Variants in RPGRIP1 observed in about 807,000 individuals in gnomAD.
RPGRIP1 encodes RPGR interacting protein 1.
RPGRIP1 carries 128 observed loss-of-function variants against 157.9 expected under a neutral mutation model. The ratio of observed to expected loss-of-function variants is 0.81; its 90% CI spans 0.70 to 0.94. The LOEUF (loss-of-function observed/expected upper bound fraction) is 0.94. Ranked by LOEUF, RPGRIP1 falls within the 40% of genes least tolerant of loss-of-function variation. The pLI is 0.00. For synonymous variants in RPGRIP1, 554 were observed against 571.6 expected, an observed-to-expected ratio of 0.97 and a Z score of 0.44; for missense variants, 1,486 against 1,545.8, an observed-to-expected ratio of 0.96 and a Z score of 0.65.
intron 6 of RPGRIP1, among the ~76,000 whole-genome samples, chr14:21,303,908 A>C (rs147655695): frequency 6.6e-6 from 1 of 152,120 alleles, no homozygotes; most frequent in East Asian, 1.9e-4. Flanking sequence ...GAATCACTTG[A>C]ACCTGGGAGG....
chr14:21,324,080 T>C, intron 14 of RPGRIP1: 1 of 167,572 alleles, frequency 6.0e-6, no homozygotes, highest in South Asian at 1.4e-4. Context: ...TATAATGTAC[T>C]TTTTGCCTTC....
intron 24 of RPGRIP1, among the ~76,000 whole-genome samples, 183 bp downstream of exon 24, chr14:21,348,485 T>C (rs1284290972): frequency 2.0e-5 from 3 of 152,222 alleles, no homozygotes; most frequent in Non-Finnish European, 4.4e-5. Flanking sequence ...TGTGTATTTT[T>C]ACCCCCATAT....
At position 21,281,688 on chromosome 14, in the gene RPGRIP1, C is replaced by CAAAAAAA. The variant is rs1282350183; in HGVS notation, c.-39+1537_-39+1543dup. On this transcript the variant is annotated intron_variant, in intron 1 of 24. Transcript: ENST00000400017. ...TGGGCAACAGAGTGAGACCTTGTCT[C>CAAAAAAA]AAAAAAAAAAAAAATAAATAATAAT... Among the ~76,000 whole-genome samples the CAAAAAAA allele has an allele frequency of 8.0e-3, 635 of 79,084 alleles. 8 individuals carry two copies. The highest frequency in any genetic ancestry group is 0.027 in the African/African-American group (510 of 18,704). The allele number at this position is 79,084 out of a possible 152,430, so 51.9% of individuals were successfully genotyped here.
chr14:21,303,444 TG>T lies in RPGRIP1; in HGVS notation c.703del (p.Glu235LysfsTer40). 2.5e-6 allele frequency: 4 copies of T among 1,613,900 alleles called. No individual in the cohort carries two copies. Among genetic ancestry groups the T allele is most frequent in the Non-Finnish European group, 3.4e-6 (4 of 1,179,868 alleles). Reference protein sequence around the residue: ...AHIMASNTMQVEEPPKSPEKM... With the variant: ...AHIMASNTMQXEEPPKSPEKM... ...ATCATGGCCAGCAATACCATGCAAG[TG>T]GAAGAGCCACCCAAGTCTCCTGAGA... On this transcript the variant is annotated frameshift_variant, in exon 6 of 25. Coordinates refer to ENST00000400017, the MANE Select transcript of RPGRIP1 (RefSeq NM_020366.4). LOFTEE classifies it high-confidence loss of function.
intron 6 of RPGRIP1, among the ~76,000 whole-genome samples, chr14:21,306,228 T>A (rs1881299470): frequency 7.4e-6 from 1 of 135,820 alleles, no homozygotes; most frequent in Non-Finnish European, 1.5e-5. Context: ...ATCTTCCGGG[T>A]TCAAGCAAAT....
intron 23 of RPGRIP1, among the ~76,000 whole-genome samples, chr14:21,345,528 A>G (rs1885477461): frequency 6.7e-6 from 1 of 149,928 alleles, no homozygotes; most frequent in South Asian, 2.1e-4. Context: ...TCTGCCTCCC[A>G]AGTAGCTAGG....
intron 19 of RPGRIP1, 25 bp from the exon 20 acceptor site, chr14:21,330,224 T>C (rs745669573): frequency 2.0e-6 from 3 of 1,509,856 alleles, no homozygotes; most frequent in Non-Finnish European, 2.6e-6. Context: ...ACCAGCTATG[T>C]AGTATTGTTG....
rs985883884 is a variant in RPGRIP1 at position 21,325,942 on chromosome 14, C to T, written c.2479C>T (p.Arg827Cys). ...TCAACCCAGTCCATATGCTGTGTAC[C>T]GCTTCTTCACCTTTTCTGACCATGA... ...GTQPSPYAVY[R>C]FFTFSDHDTA... is the part of the protein sequence containing the mutation. Residue 827 changes from arginine to cysteine, a missense_variant, in exon 17 of 25, where the codon CGC becomes TGC. Physicochemically the swap from Arg to Cys is radical, Grantham distance 180 (BLOSUM62 -3). Coordinates refer to ENST00000400017, the MANE Select transcript of RPGRIP1 (RefSeq NM_020366.4). The T allele has an allele frequency of 6.8e-6, 11 of 1,613,908 alleles. No individual in the cohort carries two copies. Among genetic ancestry groups the T allele is most frequent in the East Asian group, 6.7e-5 (3 of 44,884 alleles).
At chr14:21,302,397 T>C (rs928066995) in intron 4 of RPGRIP1, 91 bp from the exon 5 acceptor site, 4 of 625,364 alleles carry the variant, frequency 6.4e-6, no homozygotes, top group Non-Finnish European at 7.5e-6. Flanking sequence ...GTCTCAAGAC[T>C]CTATGCCCAG....
intron 11 of RPGRIP1, among the ~76,000 whole-genome samples, chr14:21,318,364 A>T (rs1001378822): frequency 6.6e-6 from 1 of 152,002 alleles, no homozygotes; most frequent in Admixed American, 6.6e-5. Context: ...CACCAGCCTC[A>T]GCTTCCCAAA....
intron 2 of RPGRIP1, among the ~76,000 whole-genome samples, chr14:21,293,293 G>A (rs1246914030): frequency 6.6e-6 from 1 of 152,158 alleles, no homozygotes; most frequent in African/African-American, 2.4e-5. Context: ...CTTGTCCTAG[G>A]AGGCAGCTTT....
chr14:21,312,516 A>G lies in RPGRIP1; in HGVS notation c.1151+10A>G, dbSNP rs1227117431. The G allele has an allele frequency of 1.3e-6, 2 of 1,594,764 alleles. No homozygotes were observed. Among genetic ancestry groups the G allele is most frequent in the Non-Finnish European group, 1.7e-6 (2 of 1,164,352 alleles). The stretch of plus-strand genomic sequence containing the variant: ...ACAAACTCTTAGAAAGGTGAGTACC[A>G]CATTTGGGTCCCAGAGCAGTGTTAC... On this transcript the variant is annotated intron_variant, in intron 10 of 24. Coordinates refer to ENST00000400017, the MANE Select transcript of RPGRIP1 (RefSeq NM_020366.4).
At chr14:21,282,014 G>A (rs1880150567) in intron 1 of RPGRIP1, among the ~76,000 whole-genome samples, 2 of 152,078 alleles carry the variant, frequency 1.3e-5, no homozygotes, top group African/African-American at 4.8e-5. Flanking sequence ...AGAATCGCTT[G>A]AACCCGGGAA....
rs184630905 is a variant in RPGRIP1, at chr14:21,346,483, C to T, written c.3617+1286C>T. ...ATGAGAATCATTTGAATTTGGGAGG[C>T]GGAGGTTGCAGTGAGCTAAGATTGT... On this transcript the variant is annotated intron_variant, in intron 23 of 24. Coordinates refer to ENST00000400017, the MANE Select transcript of RPGRIP1 (RefSeq NM_020366.4). Among the ~76,000 whole-genome samples the T allele has an allele frequency of 5.2e-3, 790 of 152,060 alleles. 28 individuals are homozygous for T. The highest frequency in any genetic ancestry group is 1.2e-3 in the Non-Finnish European group (81 of 68,002).
chr14:21,317,955 A>G, intron 11 of RPGRIP1, 105 bp downstream of exon 11: 2 of 982,802 alleles, frequency 2.0e-6, no homozygotes, highest in African/African-American at 1.6e-5. Flanking sequence ...ACTTGATCCT[A>G]TTCTTTTGTG....
In RPGRIP1 at chr14:21,328,470, G is replaced by A. The variant is rs376213645; in HGVS notation, c.2942G>A (p.Arg981Gln). 2.0e-5 allele frequency: 33 copies of A among 1,613,568 alleles called. No individual in the cohort carries two copies. In the African/African-American group the frequency reaches 3.6e-4, roughly 18 times the overall value. The change falls in exon 19 of 25, where the codon CGA becomes CAA. Residue 981 changes from arginine to glutamine, a missense_variant. Arg to Gln is a conservative substitution (Grantham distance 43). Coordinates refer to ENST00000400017, the MANE Select transcript of RPGRIP1 (RefSeq NM_020366.4). Reference sequence around the variant, plus strand: ...GTTCCCATTGAAGCTGGCCAGTATCGATCTAAGAGAAAACCTCCTCATGGG... The same window carrying A: ...GTTCCCATTGAAGCTGGCCAGTATCAATCTAAGAGAAAACCTCCTCATGGG... ...PEVPIEAGQY[R>Q]SKRKPPHGGE...
rs1231473915 is a variant in RPGRIP1 at position 21,287,995 on chromosome 14, C to A, written c.19C>A (p.Pro7Thr). 3.1e-6 allele frequency: 5 copies of A among 1,612,606 alleles called. No individual in the cohort carries two copies. In the African/African-American group the frequency reaches 6.7e-5, roughly 22 times the overall value. Residue 7 changes from proline to threonine, a missense_variant, in exon 2 of 25, where the codon CCT becomes ACT. Transcript: ENST00000400017. ...AGAGATCATGTCACATCTGGTGGAC[C>A]CTACATCAGGAGACTTGCCAGTTAG... MSHLVD[P>T]TSGDLPVRDI...
intron 21 of RPGRIP1, among the ~76,000 whole-genome samples, chr14:21,339,875 A>AT (rs1338664431): frequency 3.3e-5 from 5 of 152,224 alleles, no homozygotes; most frequent in Non-Finnish European, 7.3e-5. Context: ...TGAATCTTAC[A>AT]TACTACTGAG....
chr14:21,319,984 A>G, intron 11 of RPGRIP1, 33 bp from the exon 12 acceptor site: 1 of 1,582,394 alleles, frequency 6.3e-7, no homozygotes, highest in Non-Finnish European at 8.6e-7. Flanking sequence ...AAATAACTAC[A>G]GAATTTCACA....
Sources: allele counts gnomAD v4.1 joint callset (sites outside exome capture counted in the v4.1 genomes callset), GRCh38; gene constraint gnomAD v4.1.1; transcripts MANE v1.5; gene names NCBI Gene and HGNC (gene_info 2026-07-23, HGNC 2026-07-21).